AKAP19: variants seen among roughly 807,000 people sequenced by gnomAD.
AKAP19 encodes the protein small A-kinase anchoring protein.
At chr2:190,092,483 G>A in the AKAP19 span, among the ~76,000 whole-genome samples, 1 of 152,006 alleles carries the variant, frequency 6.6e-6, no homozygotes, top group Admixed American at 6.6e-5. Context: ...CATGGTTTCT[G>A]TTCCTAAGTC....
the AKAP19 span, among the ~76,000 whole-genome samples, chr2:190,137,569 A>G: frequency 6.6e-6 from 1 of 152,238 alleles, no homozygotes; most frequent in African/African-American, 2.4e-5. Flanking sequence ...ATAGCCTAGC[A>G]TGGTTTACTG....
the AKAP19 span, among the ~76,000 whole-genome samples, chr2:190,170,413 A>C: frequency 6.6e-6 from 1 of 152,236 alleles, no homozygotes; most frequent in East Asian, 1.9e-4. Context: ...AGGACCATCA[A>C]CTTTGGAACT....
the AKAP19 span, among the ~76,000 whole-genome samples, chr2:189,892,079 C>T: frequency 1.3e-5 from 2 of 151,758 alleles, no homozygotes; most frequent in East Asian, 2.0e-4. Context: ...TTTTTCAGCT[C>T]GTCAGGTCAT....
the AKAP19 span, among the ~76,000 whole-genome samples, chr2:190,113,834 C>T: frequency 6.6e-6 from 1 of 152,150 alleles, no homozygotes. Context: ...TTCCCAGTCC[C>T]CTACCCCTGT....
At chr2:190,028,879 A>C in the AKAP19 span, among the ~76,000 whole-genome samples, 1 of 152,178 alleles carries the variant, frequency 6.6e-6, no homozygotes, top group Non-Finnish European at 1.5e-5. Flanking sequence ...AAAAATGAGC[A>C]CTTTCATTCT....
chr2:190,190,616 A>G, the AKAP19 span, among the ~76,000 whole-genome samples: 4 of 152,204 alleles, frequency 2.6e-5, no homozygotes, highest in African/African-American at 9.6e-5. Context: ...TTAACTTTTT[A>G]AGAAACAGCC....
At chr2:190,196,257 T>C in the AKAP19 span, among the ~76,000 whole-genome samples, 1 of 152,118 alleles carries the variant, frequency 6.6e-6, no homozygotes, top group Non-Finnish European at 1.5e-5. Context: ...TTTAAATCTT[T>C]TCCCTCCATT....
At chr2:189,977,397 CA>C in the AKAP19 span, among the ~76,000 whole-genome samples, 1 of 152,148 alleles carries the variant, frequency 6.6e-6, no homozygotes, top group African/African-American at 2.4e-5. Context: ...TAGACAAACT[CA>C]GTTTGATAAC....
chr2:189,981,457 A>G, the AKAP19 span, among the ~76,000 whole-genome samples: 8 of 152,256 alleles, frequency 5.3e-5, no homozygotes, highest in African/African-American at 1.7e-4. Context: ...TTTTAATCCA[A>G]TTAAGTACTT....
chr2:190,164,239 G>T, the AKAP19 span, among the ~76,000 whole-genome samples: 4 of 152,152 alleles, frequency 2.6e-5, no homozygotes, highest in Non-Finnish European at 5.9e-5. Context: ...AAGTATGCCT[G>T]TTAAAGGCAA....
the AKAP19 span, among the ~76,000 whole-genome samples, chr2:190,191,123 A>C: frequency 6.6e-6 from 1 of 152,154 alleles, no homozygotes; most frequent in Non-Finnish European, 1.5e-5. Flanking sequence ...GCTGTGACAG[A>C]CATTTGCATA....
At chr2:190,033,211 T>C in the AKAP19 span, among the ~76,000 whole-genome samples, 1,119 of 152,278 alleles carry the variant, frequency 7.3e-3, 10 homozygotes, top group African/African-American at 0.026. Context: ...AAGAATCTAA[T>C]AATTTTTTAA....
the AKAP19 span, among the ~76,000 whole-genome samples, chr2:190,143,026 T>A: frequency 6.6e-6 from 1 of 152,080 alleles, no homozygotes; most frequent in Non-Finnish European, 1.5e-5. Flanking sequence ...ATGGATGTTC[T>A]TGGAACTGTC....
At chr2:190,111,188 A>G in the AKAP19 span, among the ~76,000 whole-genome samples, 1 of 152,204 alleles carries the variant, frequency 6.6e-6, no homozygotes, top group Non-Finnish European at 1.5e-5. Flanking sequence ...ACCAGTTGAC[A>G]GAGGCATAGG....
chr2:190,114,737 T>C, the AKAP19 span, among the ~76,000 whole-genome samples: 2 of 152,240 alleles, frequency 1.3e-5, no homozygotes, highest in Non-Finnish European at 2.9e-5. Flanking sequence ...ATTACAGGCT[T>C]GAGCCACCGC....
chr2:190,016,811 A>C, the AKAP19 span, among the ~76,000 whole-genome samples: 1 of 152,178 alleles, frequency 6.6e-6, no homozygotes, highest in Non-Finnish European at 1.5e-5. Flanking sequence ...ATTTGGTCTA[A>C]AATGTAGTTC....
At chr2:190,201,743 T>C in the AKAP19 span, 1 of 167,184 alleles carries the variant, frequency 6.0e-6, no homozygotes, top group Middle Eastern at 3.4e-3. Context: ...ACTGTCCCAT[T>C]GTACTTGCAA....
chr2:189,931,204 G>C, the AKAP19 span, among the ~76,000 whole-genome samples: 1 of 102,728 alleles, frequency 9.7e-6, no homozygotes, highest in Admixed American at 1.0e-4. Context: ...GTGAAATGGT[G>C]GTTTTTTTTC....
the AKAP19 span, chr2:190,059,964 T>C: frequency 7.6e-7 from 1 of 1,310,420 alleles, no homozygotes; most frequent in South Asian, 1.3e-5. Flanking sequence ...GTCTAGCTTA[T>C]GAGCTTAGGG....
Sources: allele counts gnomAD v4.1 joint callset (sites outside exome capture counted in the v4.1 genomes callset), GRCh38; gene constraint gnomAD v4.1.1; transcripts MANE v1.5; gene names NCBI Gene and HGNC (gene_info 2026-07-23, HGNC 2026-07-21).